GPM6B: variants seen among roughly 807,000 people sequenced by gnomAD.
GPM6B encodes the protein glycoprotein M6B, also known as neuronal membrane glycoprotein M6-b.
A neutral mutation model predicts 27.2 loss-of-function variants in GPM6B; 4 were observed. That is an observed-to-expected ratio of 0.15 (90% CI 0.07 to 0.34). GPM6B has a LOEUF of 0.34. Ranked by LOEUF, GPM6B falls within the 10% of genes least tolerant of loss-of-function variation. GPM6B has a pLI of 1.00. For synonymous variants in GPM6B, 124 were observed against 103.1 expected, an observed-to-expected ratio of 1.20 and a Z score of -1.23; for missense variants, 183 against 261.9, an observed-to-expected ratio of 0.70 and a Z score of 2.08.
chrX:13,863,145 T>C (rs184978592), intron 1 of GPM6B, among the ~76,000 whole-genome samples: 75 of 112,335 alleles, frequency 6.7e-4, no homozygotes, highest in Middle Eastern at 9.2e-3. Context: ...TCCTCAGTTC[T>C]GTTCTGATAA....
In GPM6B at chrX:13,877,824, C is replaced by CAAAAA. The variant is rs761891419; in HGVS notation, c.-198+60498_-198+60502dup. ...CCTGGGCATTAGAGCCAGACTCTGC[C>CAAAAA]AAAAAAAAAAAAAAAAAAAAAAAAA... is the stretch of plus-strand genomic sequence containing the variant. On this transcript the variant is annotated intron_variant, in intron 1 of 6. Transcript: ENST00000398361. Among the ~76,000 whole-genome samples, 73 of 27,464 alleles carry CAAAAA rather than the reference C, an allele frequency of 2.7e-3. 9 individuals are homozygous for CAAAAA. Among genetic ancestry groups the CAAAAA allele is most frequent in the African/African-American group, 9.9e-3 (54 of 5,453 alleles). 23.8% of individuals were successfully genotyped at this position (27,464 alleles called of 115,157 possible).
chrX:13,846,726 C>T lies in GPM6B; in HGVS notation c.-197-60918G>A, dbSNP rs780161349. On this transcript the variant is annotated intron_variant, in intron 1 of 6. Transcript: ENST00000398361. The stretch of plus-strand genomic sequence containing the variant: ...GCCAGGATGGACTCGATCTCCTGAC[C>T]TTATGATCCACCCGCCTCGGCCTCC... 5.6e-5 allele frequency among the ~76,000 whole-genome samples: 6 copies of T among 106,628 alleles called. No homozygotes were observed. In the East Asian group the frequency reaches 1.5e-3, roughly 26 times the overall value. The allele number at this position is 106,628 out of a possible 115,157, so 92.6% of individuals were successfully genotyped here.
chrX:13,852,581 G>A (rs963192131), intron 1 of GPM6B, among the ~76,000 whole-genome samples: 2 of 110,613 alleles, frequency 1.8e-5, no homozygotes, highest in African/African-American at 6.6e-5. Context: ...TAACTGTTCT[G>A]TACCCTGCTT....
At chrX:13,864,669 T>G (rs974504873) in intron 1 of GPM6B, among the ~76,000 whole-genome samples, 3 of 110,743 alleles carry the variant, frequency 2.7e-5, no homozygotes, top group African/African-American at 9.9e-5. Context: ...TGAAAGGGAG[T>G]GCAGGAAGTT....
intron 2 of GPM6B, among the ~76,000 whole-genome samples, chrX:13,803,904 G>A (rs183446444): frequency 2.7e-5 from 3 of 111,814 alleles, no homozygotes; most frequent in Non-Finnish European, 3.8e-5. Context: ...GCTTAGACAT[G>A]CCTCTTCCTA....
In GPM6B at chrX:13,872,449, C is replaced by T. The variant is rs182329322; in HGVS notation, c.-198+65878G>A. Reference sequence around the variant, plus strand: ...CCTCCCAAAGTGCTGGGATTACAGGCGTGAGCCACCATGCCAAGCCTACAT... The same window carrying T: ...CCTCCCAAAGTGCTGGGATTACAGGTGTGAGCCACCATGCCAAGCCTACAT... On this transcript the variant is annotated intron_variant, in intron 1 of 6. Coordinates refer to the GPM6B transcript ENST00000398361. 2.6e-4 allele frequency among the ~76,000 whole-genome samples: 29 copies of T among 110,984 alleles called. 1 individual carries two copies. The East Asian group carries it at 6.8e-3, about 26-fold the overall frequency.
chrX:13,926,442 C>A (rs28564861), intron 1 of GPM6B, among the ~76,000 whole-genome samples: 1,998 of 20,301 alleles, frequency 0.098, 53 homozygotes, highest in African/African-American at 0.29. Context: ...AAAAAACACA[C>A]AAAAAAAGCA....
intron 1 of GPM6B, among the ~76,000 whole-genome samples, chrX:13,846,626 T>G (rs996321891): frequency 9.2e-6 from 1 of 108,611 alleles, no homozygotes; most frequent in Non-Finnish European, 1.9e-5. Context: ...AAGTAGCTGG[T>G]ACTACAGGCG....
At chrX:13,838,297 C>A (rs150486625) in intron 1 of GPM6B, among the ~76,000 whole-genome samples, 1,303 of 111,654 alleles carry the variant, frequency 0.012, 15 homozygotes, top group African/African-American at 0.04. Context: ...AAACAGACTG[C>A]GATGTTTTTG....
At chrX:13,820,517 G>A (rs1271094676), upstream of GPM6B, among the ~76,000 whole-genome samples, 2 of 111,122 alleles carry the variant, frequency 1.8e-5, no homozygotes, top group Non-Finnish European at 3.8e-5. Context: ...GAGCTGGCCA[G>A]AGAGCAGCAT....
At chrX:13,917,315 A>G (rs1364405133) in intron 1 of GPM6B, among the ~76,000 whole-genome samples, 2 of 112,809 alleles carry the variant, frequency 1.8e-5, no homozygotes, top group Non-Finnish European at 3.7e-5. Flanking sequence ...ATAGAAATCT[A>G]AAATATCTTT....
At chrX:13,782,397 T>C (rs1432787064) in intron 4 of GPM6B, among the ~76,000 whole-genome samples, 7 of 111,644 alleles carry the variant, frequency 6.3e-5, no homozygotes, top group South Asian at 3.7e-4. Flanking sequence ...GATCCAAATA[T>C]GTTAAACATC....
At chrX:13,903,317 C>T (rs868111472) in intron 1 of GPM6B, among the ~76,000 whole-genome samples, 34 of 112,058 alleles carry the variant, frequency 3.0e-4, no homozygotes, top group African/African-American at 1.0e-3. Context: ...GCAAATACTA[C>T]CTCACAGGTA....
chrX:13,922,608 G>C (rs1201649394), intron 1 of GPM6B, among the ~76,000 whole-genome samples: 1 of 112,043 alleles, frequency 8.9e-6, no homozygotes, highest in Non-Finnish European at 1.9e-5. Flanking sequence ...CTTCACATAT[G>C]AGTTTTTCTT....
At chrX:13,903,971 G>A (rs1329472637) in intron 1 of GPM6B, among the ~76,000 whole-genome samples, 1 of 110,637 alleles carries the variant, frequency 9.0e-6, no homozygotes, top group African/African-American at 3.3e-5. Flanking sequence ...GGAAGGGGAG[G>A]TTCTCCCCAT....
At chrX:13,827,291 T>C (rs2049385764) in intron 1 of GPM6B, among the ~76,000 whole-genome samples, 1 of 101,502 alleles carries the variant, frequency 9.9e-6, no homozygotes, top group Admixed American at 1.1e-4. Context: ...TTTTTTTTTT[T>C]TTTCTTTTAG....
intron 2 of GPM6B, among the ~76,000 whole-genome samples, chrX:13,805,537 G>T (rs889313402): frequency 1.8e-5 from 2 of 112,363 alleles, no homozygotes; most frequent in African/African-American, 6.5e-5. Flanking sequence ...AAAGAAATCA[G>T]TTTCAGAAAA....
In GPM6B at chrX:13,784,394, G is replaced by T. The variant is rs148658640; in HGVS notation, c.369-873C>A. On this transcript the variant is annotated intron_variant, in intron 3 of 7. Transcript: ENST00000316715. ...ATAGTTGGAACTCAGTGAGTCCCCT[G>T]TCCTGCTTGAGCCCTCCTTATAATC... is the stretch of plus-strand genomic sequence containing the variant. Among the ~76,000 whole-genome samples the T allele has an allele frequency of 6.7e-3, 755 of 111,999 alleles. 6 individuals carry two copies. The highest frequency in any genetic ancestry group is 0.023 in the African/African-American group (716 of 30,805).
At chrX:13,846,064 TTC>T (rs935141362) in intron 1 of GPM6B, among the ~76,000 whole-genome samples, 4 of 110,957 alleles carry the variant, frequency 3.6e-5, no homozygotes, top group African/African-American at 9.9e-5. Flanking sequence ...CTGCATTCCT[TTC>T]TCTCTTTCTC....
Sources: gnomAD v4.1 joint callset for allele counts (sites outside exome capture counted in the v4.1 genomes callset) on GRCh38, gnomAD v4.1.1 for gene constraint, MANE v1.5 for transcripts, NCBI Gene and HGNC (gene_info 2026-07-23, HGNC 2026-07-21) for gene names.